Variants in CCSER1 observed in about 807,000 individuals in gnomAD.
The protein encoded by CCSER1 is coiled-coil serine rich protein 1, also known as serine-rich coiled-coil domain-containing protein 1.
Under a neutral mutation model 82.0 loss-of-function variants are expected in CCSER1, and 41 were observed. The ratio of observed to expected loss-of-function variants is 0.50; its 90% CI spans 0.39 to 0.65. The LOEUF is 0.65. Among genes scored for constraint, CCSER1 ranks in the 30% least tolerant of loss-of-function variants. The pLI, the probability that CCSER1 is intolerant of heterozygous loss-of-function variation, is 0.00. For synonymous variants in CCSER1, 414 were observed against 383.9 expected (o/e 1.08, Z -0.92); for missense variants, 1,119 against 1,064.2 (o/e 1.05, Z -0.72).
chr4:90,395,929 A>G (rs1751884397), intron 3 of CCSER1, among the ~76,000 whole-genome samples: 1 of 151,750 alleles, frequency 6.6e-6, no homozygotes, highest in African/African-American at 2.4e-5. Context: ...AAAAAAAAAA[A>G]AAGTAGCTGG....
intron 5 of CCSER1, among the ~76,000 whole-genome samples, chr4:90,478,750 A>AT (rs1765462939): frequency 2.3e-5 from 2 of 88,720 alleles, no homozygotes; most frequent in Non-Finnish European, 4.9e-5. Flanking sequence ...TTTTTTTTTT[A>AT]TTTTTTTGGA....
intron 6 of CCSER1, among the ~76,000 whole-genome samples, chr4:90,721,517 T>C (rs896775430): frequency 6.6e-6 from 1 of 151,866 alleles, no homozygotes; most frequent in African/African-American, 2.4e-5. Flanking sequence ...CAAAAGCAGA[T>C]GAAGCCATAA....
intron 5 of CCSER1, among the ~76,000 whole-genome samples, chr4:90,511,338 A>T (rs1771470476): frequency 6.6e-6 from 1 of 152,168 alleles, no homozygotes. Flanking sequence ...GAATTGTGTG[A>T]ACCCGGGAGG....
At chr4:91,560,328 T>C (rs1200256899) in intron 10 of CCSER1, among the ~76,000 whole-genome samples, 4 of 151,526 alleles carry the variant, frequency 2.6e-5, no homozygotes, top group Non-Finnish European at 5.9e-5. Context: ...ATCAAATATA[T>C]ACTTTGTTTT....
chr4:90,228,068 G>C lies in CCSER1; in HGVS notation c.-41-80176G>C, dbSNP rs534136051. ...GGGAGGGGCGCCCGCCATTGCCCAGGCTTGCTTAGGTAAACAGAGCAGCCG... is the reference window on the plus strand; with the variant it reads ...GGGAGGGGCGCCCGCCATTGCCCAGCCTTGCTTAGGTAAACAGAGCAGCCG... On this transcript the variant is annotated intron_variant, in intron 1 of 10. Transcript: ENST00000509176. Among the ~76,000 whole-genome samples, 114 of 152,326 alleles carry C rather than the reference G, an allele frequency of 7.5e-4. 1 individual carries two copies. Among genetic ancestry groups the C allele is most frequent in the Non-Finnish European group, 8.5e-4 (58 of 68,032 alleles).
chr4:90,296,223 A>G (rs1280492893), intron 1 of CCSER1, among the ~76,000 whole-genome samples: 1 of 152,108 alleles, frequency 6.6e-6, no homozygotes, highest in Non-Finnish European at 1.5e-5. Context: ...ACAGTGAACA[A>G]TTATTCAGTC....
At chr4:90,171,897 G>A (rs1196029163) in intron 1 of CCSER1, among the ~76,000 whole-genome samples, 1 of 151,816 alleles carries the variant, frequency 6.6e-6, no homozygotes, top group African/African-American at 2.4e-5. Flanking sequence ...TGATTTCCAG[G>A]CTCAAGAATA....
At chr4:91,435,666 C>A (rs1335355132) in intron 10 of CCSER1, among the ~76,000 whole-genome samples, 1 of 152,080 alleles carries the variant, frequency 6.6e-6, no homozygotes, top group African/African-American at 2.4e-5. Flanking sequence ...AACTTATGAA[C>A]TACTGGGAAG....
At chr4:91,543,255 A>G (rs562556180) in intron 10 of CCSER1, among the ~76,000 whole-genome samples, 2 of 152,120 alleles carry the variant, frequency 1.3e-5, no homozygotes, top group African/African-American at 2.4e-5. Flanking sequence ...CTCTTTATCC[A>G]ATTTTCCAGT....
chr4:91,164,085 A>G (rs1203326218), intron 10 of CCSER1, among the ~76,000 whole-genome samples: 2 of 151,984 alleles, frequency 1.3e-5, no homozygotes, highest in South Asian at 4.1e-4. Context: ...TCCTTTCCAT[A>G]TTTAGTGCTT....
At chr4:91,529,055 C>T (rs941428347) in intron 10 of CCSER1, among the ~76,000 whole-genome samples, 5 of 152,052 alleles carry the variant, frequency 3.3e-5, no homozygotes, top group Non-Finnish European at 5.9e-5. Flanking sequence ...TTTTGTTTCT[C>T]AGTGCTTTGC....
At chr4:90,510,579 T>A (rs946435043) in intron 5 of CCSER1, among the ~76,000 whole-genome samples, 10 of 152,238 alleles carry the variant, frequency 6.6e-5, no homozygotes, top group African/African-American at 2.4e-4. Flanking sequence ...TCCATGACAC[T>A]ATTGCAATCA....
chr4:90,692,080 C>A (rs1038907118), intron 6 of CCSER1, among the ~76,000 whole-genome samples: 1 of 138,560 alleles, frequency 7.2e-6, no homozygotes, highest in Admixed American at 7.4e-5. Context: ...TGATAAATAC[C>A]AGACACATTT....
chr4:90,203,788 A>C (rs536844594), intron 1 of CCSER1, among the ~76,000 whole-genome samples: 1 of 152,260 alleles, frequency 6.6e-6, no homozygotes, highest in Admixed American at 6.5e-5. Context: ...CAATGGTTGA[A>C]CTAACTTACA....
In CCSER1 at chr4:91,155,040, A is replaced by C. The variant is rs111825292; in HGVS notation, c.2217+69046A>C. ...ACATAGGCTTTTCTGGCCTTAAAAA[A>C]AAAAATCCTAAAACCTAGAGGCTTA... is the stretch of plus-strand genomic sequence containing the variant. On this transcript the variant is annotated intron_variant, in intron 10 of 10. Transcript: ENST00000509176. Among the ~76,000 whole-genome samples, 572 of 151,616 alleles carry C rather than the reference A, an allele frequency of 3.8e-3. 4 individuals are homozygous for C. Among genetic ancestry groups the C allele is most frequent in the African/African-American group, 0.013 (535 of 41,424 alleles).
intron 9 of CCSER1, among the ~76,000 whole-genome samples, chr4:91,052,228 G>T (rs770613289): frequency 3.3e-5 from 5 of 151,918 alleles, no homozygotes; most frequent in Non-Finnish European, 7.4e-5. Flanking sequence ...TGGCAGAATT[G>T]ATTAAAACAC....
chr4:90,755,661 ATTGAG>A (rs1051010987), intron 7 of CCSER1, among the ~76,000 whole-genome samples: 11 of 152,210 alleles, frequency 7.2e-5, no homozygotes, highest in East Asian at 1.9e-4. Flanking sequence ...TGAAAACCCA[ATTGAG>A]TTATCAGTGG....
At chr4:91,128,980 G>A (rs1467581714) in intron 10 of CCSER1, among the ~76,000 whole-genome samples, 1 of 152,080 alleles carries the variant, frequency 6.6e-6, no homozygotes, top group Non-Finnish European at 1.5e-5. Flanking sequence ...AGAAGGTATA[G>A]CGATATAAGG....
chr4:90,787,717 C>A (rs1230274901), intron 7 of CCSER1, among the ~76,000 whole-genome samples: 1 of 152,174 alleles, frequency 6.6e-6, no homozygotes, highest in African/African-American at 2.4e-5. Context: ...AATTGTATGT[C>A]TCCATGAACT....
Sources: gnomAD v4.1 joint callset for allele counts (sites outside exome capture counted in the v4.1 genomes callset) on GRCh38, gnomAD v4.1.1 for gene constraint, MANE v1.5 for transcripts, NCBI Gene and HGNC (gene_info 2026-07-23, HGNC 2026-07-21) for gene names.